The following LTBP1 variants were observed in gnomAD, a reference collection of about 807,000 sequenced individuals.
The protein encoded by LTBP1 is latent-transforming growth factor beta-binding protein 1.
Under a neutral mutation model 207.6 loss-of-function variants are expected in LTBP1, and 129 were observed. The ratio of observed to expected loss-of-function variants is 0.62; its 90% CI spans 0.54 to 0.72. The LOEUF is 0.72. Among genes scored for constraint, LTBP1 ranks in the 30% least tolerant of loss-of-function variants. The probability of loss-of-function intolerance (pLI) is 0.00; values close to 1 mark genes in which losing one functional copy is unlikely to be tolerated. For synonymous variants in LTBP1, 963 were observed against 833.7 expected (o/e 1.16, Z -2.67); for missense variants, 2,281 against 2,217.2 (o/e 1.03, Z -0.58).
In LTBP1 at chr2:33,222,086, A is replaced by G. The variant is rs758344165; in HGVS notation, c.1811A>G (p.His604Arg). 9.3e-6 allele frequency: 15 copies of G among 1,611,858 alleles called. No homozygotes were observed. The highest frequency in any genetic ancestry group is 3.3e-5 in the South Asian group (3 of 91,040). ...CQKCPKKPSY[H>R]GYNQMMECLP... is the part of the protein sequence containing the mutation. ...AGCATTTCTTCCCTTACAGCTTATCATGGATACAACCAAATGATGGAATGC... is the reference window on the plus strand; with the variant it reads ...AGCATTTCTTCCCTTACAGCTTATCGTGGATACAACCAAATGATGGAATGC... Residue 604 changes from histidine (H) to arginine (R), a missense_variant, in exon 9 of 34, where the codon CAT (histidine) becomes CGT (arginine). By Grantham distance (29) the His-to-Arg change is conservative (BLOSUM62 0). Around this residue, in one of 3 missense-constraint regions of LTBP1, gnomAD observed 1,671 missense variants for 1,634.8 expected, o/e 1.02. Transcript: ENST00000404816.
At chr2:32,997,514 A>G (rs1050664727) in intron 2 of LTBP1, among the ~76,000 whole-genome samples, 4 of 152,120 alleles carry the variant, frequency 2.6e-5, no homozygotes, top group African/African-American at 7.2e-5. Flanking sequence ...TAAAAAACAA[A>G]ACAAAAGAAA....
In LTBP1 at chr2:33,013,794, G is replaced by A. The variant is rs189911937; in HGVS notation, c.566-7115G>A. ...CACATGGTTAACAACCACTCCTGCT[G>A]AGCTTAGGTTTAGAAAACTTCAAGC... On this transcript the variant is annotated intron_variant, in intron 2 of 33. Coordinates refer to ENST00000404816, the MANE Select transcript of LTBP1 (RefSeq NM_206943.4). Among the ~76,000 whole-genome samples the A allele has an allele frequency of 3.1e-3, 466 of 152,224 alleles. 3 individuals are homozygous for A. Among genetic ancestry groups the A allele is most frequent in the Non-Finnish European group, 4.6e-3 (312 of 68,020 alleles).
At chr2:33,029,681 C>T (rs549773486) in intron 3 of LTBP1, among the ~76,000 whole-genome samples, 183 of 152,290 alleles carry the variant, frequency 1.2e-3, no homozygotes, top group Non-Finnish European at 2.4e-3. Flanking sequence ...GCTTCCTGAC[C>T]TTTTGTTCCA....
At chr2:33,268,936 C>T (rs548014486) in intron 15 of LTBP1, among the ~76,000 whole-genome samples, 1 of 152,304 alleles carries the variant, frequency 6.6e-6, no homozygotes, top group Admixed American at 6.5e-5. Flanking sequence ...TTTAAAAAAA[C>T]TATTTGCTCA....
chr2:33,357,200 T>C (rs1277791227), intron 26 of LTBP1, among the ~76,000 whole-genome samples: 1 of 152,162 alleles, frequency 6.6e-6, no homozygotes, highest in African/African-American at 2.4e-5. Context: ...CCACACCCTC[T>C]TTAGGCTGAT....
chr2:33,075,309 T>C (rs1160677579), intron 3 of LTBP1, among the ~76,000 whole-genome samples: 2 of 152,214 alleles, frequency 1.3e-5, no homozygotes, highest in South Asian at 2.1e-4. Context: ...CTGTGGATAA[T>C]TGAAAGTTGA....
At chr2:33,379,196 CTTTTT>C (rs550839552) in intron 31 of LTBP1, among the ~76,000 whole-genome samples, 6 of 108,542 alleles carry the variant, frequency 5.5e-5, no homozygotes, top group African/African-American at 1.1e-4. Flanking sequence ...TTTGCCATTG[CTTTTT>C]TTTTTTTTTT....
At position 33,398,410 on chromosome 2, in the gene LTBP1, G is replaced by C. The variant is rs762037458; in HGVS notation, c.5031G>C (p.Lys1677Asn). Residue 1677 changes from lysine (K) to asparagine (N), a missense_variant, in exon 34 of 34, where the codon AAG becomes AAC. Physicochemically the swap from Lys to Asn is moderately conservative, Grantham distance 94. Around this residue, in one of 3 missense-constraint regions of LTBP1, gnomAD observed 1,671 missense variants for 1,634.8 expected, o/e 1.02. Coordinates refer to ENST00000404816, the MANE Select transcript of LTBP1 (RefSeq NM_206943.4). ...TGAACAACCGGATGTCTCTCTGCAA[G>C]AATGCCAAGTGCATTAACACCGATG... ...DELNNRMSLC[K>N]NAKCINTDGS... 2.5e-6 allele frequency: 4 copies of C among 1,614,162 alleles called. No homozygotes were observed. In the East Asian group the frequency reaches 6.7e-5, roughly 27 times the overall value.
chr2:33,120,413 C>T (rs2081037827), intron 4 of LTBP1, among the ~76,000 whole-genome samples: 1 of 152,140 alleles, frequency 6.6e-6, no homozygotes, highest in Admixed American at 6.5e-5. Context: ...CATTTAGCTC[C>T]CACTTACAAG....
At chr2:33,259,322 A>C (rs2092948780) in intron 12 of LTBP1, among the ~76,000 whole-genome samples, 1 of 152,212 alleles carries the variant, frequency 6.6e-6, no homozygotes, top group Non-Finnish European at 1.5e-5. Context: ...TTCTTCTTTT[A>C]ATTTTAATTC....
chr2:33,385,566 A>G (rs1287912200), intron 31 of LTBP1, among the ~76,000 whole-genome samples: 5 of 152,378 alleles, frequency 3.3e-5, no homozygotes, highest in Middle Eastern at 3.4e-3. Flanking sequence ...TAGTCAAACA[A>G]GAATTCTTGT....
At chr2:33,385,875 T>C in intron 31 of LTBP1, among the ~76,000 whole-genome samples, 1 of 152,242 alleles carries the variant, frequency 6.6e-6, no homozygotes, top group East Asian at 1.9e-4. Flanking sequence ...AAGGATGTTT[T>C]GATCACTGAC....
chr2:33,250,314 G>A (rs1040729961), intron 10 of LTBP1, among the ~76,000 whole-genome samples: 1 of 152,186 alleles, frequency 6.6e-6, no homozygotes, highest in African/African-American at 2.4e-5. Context: ...GAAAGCATCA[G>A]TAAAATTTCG....
intron 3 of LTBP1, among the ~76,000 whole-genome samples, chr2:33,078,336 A>T (rs1214179104): frequency 6.6e-6 from 1 of 152,206 alleles, no homozygotes; most frequent in African/African-American, 2.4e-5. Context: ...TTAGTGAAGC[A>T]GGTATCCAGT....
chr2:33,246,176 G>A (rs559589491), intron 10 of LTBP1, among the ~76,000 whole-genome samples: 11 of 152,278 alleles, frequency 7.2e-5, no homozygotes, highest in Admixed American at 2.6e-4. Context: ...TTGAGAGTTC[G>A]AAGTGAAAAC....
Position 33,001,745 on chromosome 2 carries a change from A to G in LTBP1, c.566-19164A>G, listed in dbSNP as rs1304964184. 1.5e-5 allele frequency among the ~76,000 whole-genome samples: 2 copies of G among 135,138 alleles called. 1 individual carries two copies. Among genetic ancestry groups the G allele is most frequent in the East Asian group, 7.6e-4 (2 of 2,648 alleles). 88.7% of individuals were successfully genotyped at this position (135,138 alleles called of 152,430 possible). A position where few individuals can be genotyped will look rare whatever the true frequency, so the allele number is the denominator to read the frequency against. On this transcript the variant is annotated intron_variant, in intron 2 of 33. Coordinates refer to ENST00000404816, the MANE Select transcript of LTBP1 (RefSeq NM_206943.4). ...CTGCTCATCGTATAGGCCCTGCCAGAATGGTTGGCAATGACAAGGATCTGA... is the reference window on the plus strand; with the variant it reads ...CTGCTCATCGTATAGGCCCTGCCAGGATGGTTGGCAATGACAAGGATCTGA...
chr2:33,035,015 G>T (rs1444348158), intron 3 of LTBP1, among the ~76,000 whole-genome samples: 1 of 152,192 alleles, frequency 6.6e-6, no homozygotes, highest in Admixed American at 6.5e-5. Context: ...TTTCTTGGCA[G>T]TGCAACCTCG....
intron 2 of LTBP1, among the ~76,000 whole-genome samples, chr2:33,009,338 A>AT (rs1687356880): frequency 6.6e-6 from 1 of 152,152 alleles, no homozygotes; most frequent in Admixed American, 6.6e-5. Flanking sequence ...CCCTTCCCTG[A>AT]TTCACGTGAA....
intron 19 of LTBP1, among the ~76,000 whole-genome samples, chr2:33,285,531 C>G (rs900487263): frequency 1.3e-5 from 2 of 150,484 alleles, no homozygotes; most frequent in African/African-American, 4.9e-5. Context: ...TCACTGCAAC[C>G]TCCACCTCCC....
Sources: allele counts gnomAD v4.1 joint callset (sites outside exome capture counted in the v4.1 genomes callset), GRCh38; gene constraint gnomAD v4.1.1; regional missense constraint gnomAD v4.1.1; transcripts MANE v1.5; gene names NCBI Gene and HGNC (gene_info 2026-07-23, HGNC 2026-07-21).